Variants in NFRKB observed in about 807,000 individuals in gnomAD.
NFRKB encodes the protein nuclear factor related to kappa-B-binding protein.
In NFRKB, 62 loss-of-function variants were observed where a neutral mutation model predicts 135.7. That is an observed-to-expected ratio of 0.46 (90% CI 0.37 to 0.56). NFRKB has a LOEUF of 0.56. Ranked by LOEUF, NFRKB falls within the 20% of genes least tolerant of loss-of-function variation. NFRKB has a pLI of 0.00. For missense variants in NFRKB, 1,545 were observed against 1,662.0 expected, an observed-to-expected ratio of 0.93 and a Z score of 1.22; for synonymous variants, 678 against 635.6, an observed-to-expected ratio of 1.07 and a Z score of -1.00.
chr11:129,883,220 C>T lies in NFRKB; in HGVS notation c.817-14G>A, dbSNP rs377384256. ...GTCCGGGTGATCCTAGATGTGATAT[C>T]CAGAATTTGGTCATGGAGGCCCAAA... is the stretch of plus-strand genomic sequence containing the variant. On this transcript the variant is annotated splice_polypyrimidine_tract_variant and intron_variant, in intron 8 of 26. Coordinates refer to ENST00000682444, the MANE Select transcript of NFRKB (RefSeq NM_001143835.2). 6.8e-6 allele frequency: 11 copies of T among 1,612,524 alleles called. No individual in the cohort carries two copies. In the African/African-American group the frequency reaches 1.1e-4, roughly 16 times the overall value.
intron 24 of NFRKB, among the ~76,000 whole-genome samples, chr11:129,866,632 AT>A (rs1363375861): frequency 2.0e-5 from 3 of 152,146 alleles, no homozygotes; most frequent in African/African-American, 7.2e-5. Context: ...CCTAAGAAGA[AT>A]TTTTTTTAGA....
chr11:129,878,402 G>C, intron 14 of NFRKB, 47 bp from the exon 15 acceptor site: 1 of 1,613,354 alleles, frequency 6.2e-7, no homozygotes, highest in Non-Finnish European at 8.5e-7. Context: ...AAAGAATTTG[G>C]GCAAACTTAA....
intron 23 of NFRKB, among the ~76,000 whole-genome samples, chr11:129,872,147 C>T (rs556050259): frequency 1.3e-5 from 2 of 152,188 alleles, no homozygotes; most frequent in African/African-American, 4.8e-5. Context: ...CTGCTCTCCA[C>T]CCCTGAGCCT....
intron 24 of NFRKB, among the ~76,000 whole-genome samples, chr11:129,866,971 A>T (rs1163598521): frequency 6.6e-6 from 1 of 152,196 alleles, no homozygotes; most frequent in East Asian, 1.9e-4. Flanking sequence ...AAAGAGGGCA[A>T]CAGGCAACAG....
intron 8 of NFRKB, 147 bp downstream of exon 8, chr11:129,883,923 G>A (rs1350540970): frequency 4.8e-6 from 4 of 838,836 alleles, no homozygotes; most frequent in Non-Finnish European, 8.2e-6. Context: ...CATCGTTGAT[G>A]CTAGCTAGCC....
In NFRKB at chr11:129,872,999, G is replaced by C; in HGVS notation, c.2648C>G (p.Pro883Arg). 1 of 1,614,248 alleles carries C rather than the reference G, an allele frequency of 6.2e-7. No individual in the cohort carries two copies. Among genetic ancestry groups the C allele is most frequent in the Non-Finnish European group, 8.5e-7 (1 of 1,180,052 alleles). The stretch of plus-strand genomic sequence containing the variant: ...CTTACTCACAGGGCTGGCTGTGGCA[G>C]GGAGACTTGTCACCGTGAGCCCTGT... ...GQTGLTVTSL[P>R]ATASPVSKPA... The change falls in exon 23 of 27, where the codon CCT becomes CGT. Residue 883 changes from proline (P) to arginine (R), a missense_variant. By Grantham distance (103) the Pro-to-Arg change is moderately radical. Coordinates refer to ENST00000682444, the MANE Select transcript of NFRKB (RefSeq NM_001143835.2).
chr11:129,881,447 C>A lies in NFRKB; in HGVS notation c.1380G>T (p.Leu460Phe). ...EFKEKTQQWK[L>F]LGQSQDNEKE... ...TAGGTAATACGGATCACTTACCAAG[C>A]AACTTCCACTGCTGGGTTTTCTCTT... The change falls in exon 13 of 27, where the codon TTG (leucine) becomes TTT (phenylalanine). Residue 460 changes from leucine to phenylalanine, a missense_variant. Around this residue, in one of 3 missense-constraint regions of NFRKB, gnomAD observed 678 missense variants for 646.7 expected, o/e 1.05. Coordinates refer to ENST00000682444, the MANE Select transcript of NFRKB (RefSeq NM_001143835.2). The A allele has an allele frequency of 6.2e-7, 1 of 1,614,084 alleles. No homozygotes were observed. The highest frequency in any genetic ancestry group is 8.5e-7 in the Non-Finnish European group (1 of 1,179,994).
intron 3 of NFRKB, among the ~76,000 whole-genome samples, chr11:129,891,436 T>C (rs1034377024): frequency 1.5e-4 from 23 of 152,292 alleles, no homozygotes; most frequent in African/African-American, 5.3e-4. Flanking sequence ...TGAACATAAA[T>C]AATGATCAGC....
At chr11:129,866,833 C>A (rs1033380726) in intron 24 of NFRKB, among the ~76,000 whole-genome samples, 3 of 152,124 alleles carry the variant, frequency 2.0e-5, no homozygotes, top group African/African-American at 7.2e-5. Context: ...TGGGAGAGGG[C>A]ATCAGCATTC....
rs1484817505 is a variant in NFRKB at position 129,873,923 on chromosome 11, G to A, written c.2372C>T (p.Ala791Val). Residue 791 changes from alanine (A) to valine (V), a missense_variant, in exon 22 of 27, where the codon GCC becomes GTC. Around this residue, in one of 3 missense-constraint regions of NFRKB, gnomAD observed 753 missense variants for 804.3 expected, o/e 0.94. Coordinates refer to ENST00000682444, the MANE Select transcript of NFRKB (RefSeq NM_001143835.2). ...SQTAPSSQAA[A>V]RVVSHSGSAG... ...AGAGCCAGAGTGGCTCACGACCCGG[G>A]CGGCAGCCTGAGAACTGGGTGCAGT... 3.1e-6 allele frequency: 5 copies of A among 1,613,444 alleles called. No homozygotes were observed. Among genetic ancestry groups the A allele is most frequent in the Non-Finnish European group, 4.2e-6 (5 of 1,180,018 alleles).
intron 5 of NFRKB, 83 bp downstream of exon 5, chr11:129,886,234 T>C (rs994519530): frequency 1.3e-6 from 2 of 1,495,932 alleles, no homozygotes; most frequent in Non-Finnish European, 1.8e-6. Flanking sequence ...TGGCAATTTT[T>C]GTGTTTTGCA....
At chr11:129,893,209 A>C in intron 2 of NFRKB, 1 of 618,714 alleles carries the variant, frequency 1.6e-6, no homozygotes, top group Non-Finnish European at 2.5e-6. Context: ...CAGACCAATA[A>C]TCACTCTCCC....
At chr11:129,868,794 C>T (rs1445332517) in intron 24 of NFRKB, among the ~76,000 whole-genome samples, 3 of 152,038 alleles carry the variant, frequency 2.0e-5, no homozygotes, top group Non-Finnish European at 2.9e-5. Flanking sequence ...TTTGGCAGGC[C>T]GAGGCGGGAG....
At chr11:129,881,362 T>C in intron 13 of NFRKB, 81 bp downstream of exon 13, 2 of 1,393,944 alleles carry the variant, frequency 1.4e-6, no homozygotes, top group Non-Finnish European at 1.0e-6. Context: ...TGCAGGACTA[T>C]ATTGACTGGA....
At chr11:129,878,379 A>AG (rs1274245274) in intron 14 of NFRKB, 24 bp from the exon 15 acceptor site, 1 of 1,614,146 alleles carries the variant, frequency 6.2e-7, no homozygotes, top group South Asian at 1.1e-5. Flanking sequence ...AAACGTTGAC[A>AG]GGTAAATGGA....
In NFRKB at chr11:129,874,047, A is replaced by C; in HGVS notation, c.2280-32T>G. 2 of 1,603,028 alleles carry C rather than the reference A, an allele frequency of 1.2e-6. No individual in the cohort carries two copies. Among genetic ancestry groups the C allele is most frequent in the Non-Finnish European group, 1.7e-6 (2 of 1,171,344 alleles). On this transcript the variant is annotated intron_variant, in intron 21 of 26. Transcript: ENST00000682444. The surrounding 1 kb of genome is among the most constrained non-coding windows in gnomAD (Gnocchi z 4.5). Reference sequence around the variant, plus strand: ...AGAACATCGGGGAAAGACAAAAAACAAAAACTTAGGACATGCATACAAAAG... The same window carrying C: ...AGAACATCGGGGAAAGACAAAAAACCAAAACTTAGGACATGCATACAAAAG...
At position 129,882,203 on chromosome 11, in the gene NFRKB, G is replaced by A. The variant is rs1167189141; in HGVS notation, c.1083-9C>T. 2 of 1,589,920 alleles carry A rather than the reference G, an allele frequency of 1.3e-6. No homozygotes were observed. Among genetic ancestry groups the A allele is most frequent in the Non-Finnish European group, 1.7e-6 (2 of 1,172,334 alleles). ...TGAGGTCTTCAAGGGGCCTAATGAG[G>A]GAAGAAAAATATAAGAACCAAAAAG... On this transcript the variant is annotated splice_polypyrimidine_tract_variant and intron_variant, in intron 10 of 26. Coordinates refer to ENST00000682444, the MANE Select transcript of NFRKB (RefSeq NM_001143835.2).
At chr11:129,891,601 T>C (rs897082993) in intron 3 of NFRKB, among the ~76,000 whole-genome samples, 9 of 152,102 alleles carry the variant, frequency 5.9e-5, no homozygotes, top group Non-Finnish European at 1.3e-4. Context: ...ACACAGAAAT[T>C]CCACCGCTAG....
At chr11:129,895,010 A>C (rs368612299) in intron 1 of NFRKB, among the ~76,000 whole-genome samples, 1 of 152,176 alleles carries the variant, frequency 6.6e-6, no homozygotes, top group African/African-American at 2.4e-5. Flanking sequence ...ACAGAATCTC[A>C]AAATACCAAA....
Sources: gnomAD v4.1 joint callset for allele counts (sites outside exome capture counted in the v4.1 genomes callset) on GRCh38, gnomAD v4.1.1 for gene constraint, gnomAD v4.1.1 regional missense constraint, Gnocchi (gnomAD v3.1) non-coding constraint, MANE v1.5 for transcripts, NCBI Gene and HGNC (gene_info 2026-07-23, HGNC 2026-07-21) for gene names.